CWH43: variants seen among roughly 807,000 people sequenced by gnomAD.
CWH43 encodes the protein PGAP2-interacting protein.
In CWH43, 91 loss-of-function variants were observed where a neutral mutation model predicts 85.7. That is an observed-to-expected ratio of 1.06 (90% confidence interval 0.90 to 1.26). The LOEUF (loss-of-function observed/expected upper bound fraction) is 1.26, where lower values mean the gene tolerates loss of function less well. CWH43 is among the 50% of genes most tolerant of loss of function. The pLI is 0.00. For missense variants in CWH43, 869 were observed against 839.2 expected, an observed-to-expected ratio of 1.04 and a Z score of -0.44; for synonymous variants, 323 against 293.6, an observed-to-expected ratio of 1.10 and a Z score of -1.02.
chr4:49,061,934 A>C lies in CWH43; in HGVS notation c.*44A>C, dbSNP rs1785174742. On this transcript the variant is annotated 3_prime_UTR_variant, in exon 16 of 16. Coordinates refer to ENST00000226432, the MANE Select transcript of CWH43 (RefSeq NM_025087.3). ...TTATTGGCTGGGAAAATCTAAGAAA[A>C]AAAGTATGTAAGATAAAAAGAAGAG... The C allele has an allele frequency of 7.9e-7, 1 of 1,266,432 alleles. No homozygotes were observed. The highest frequency in any genetic ancestry group is 1.5e-5 in the African/African-American group (1 of 65,904). 78.4% of individuals were successfully genotyped at this position (1,266,432 alleles called of 1,614,324 possible).
intron 1 of CWH43, 127 bp downstream of exon 1, chr4:48,986,599 A>G: frequency 6.7e-7 from 1 of 1,497,070 alleles, no homozygotes; most frequent in African/African-American, 1.4e-5. Context: ...CCCAGAGTGG[A>G]GATGCTTATC....
chr4:49,057,546 A>G (rs1309188332), intron 15 of CWH43, among the ~76,000 whole-genome samples: 2 of 152,088 alleles, frequency 1.3e-5, no homozygotes, highest in Non-Finnish European at 2.9e-5. Context: ...GGGTCCCAAG[A>G]TTTATTTTCC....
At position 49,004,687 on chromosome 4, in the gene CWH43, G is replaced by T. The variant is rs1441598104; in HGVS notation, c.1060+695G>T. On this transcript the variant is annotated intron_variant, in intron 7 of 15. Transcript: ENST00000226432. ...TTACAGGTGTGAGCCACCACACCTA[G>T]ACTCTATTATTTTTATTTACCATAT... Among the ~76,000 whole-genome samples, 3 of 152,150 alleles carry T rather than the reference G, an allele frequency of 2.0e-5. No individual in the cohort carries two copies. In the East Asian group the frequency reaches 5.8e-4, roughly 29 times the overall value.
At chr4:49,036,244 A>G (rs1173209230) in intron 12 of CWH43, among the ~76,000 whole-genome samples, 2 of 152,192 alleles carry the variant, frequency 1.3e-5, no homozygotes, top group African/African-American at 4.8e-5. Context: ...AAACCAGCAG[A>G]GAAGGAAGTC....
chr4:49,037,442 C>T (rs964738806), intron 12 of CWH43, among the ~76,000 whole-genome samples: 1 of 152,110 alleles, frequency 6.6e-6, no homozygotes, highest in Non-Finnish European at 1.5e-5. Context: ...TGGTAGTGTG[C>T]ACCTGTCATG....
intron 15 of CWH43, among the ~76,000 whole-genome samples, chr4:49,051,901 C>T (rs1271238375): frequency 6.6e-6 from 1 of 152,084 alleles, no homozygotes. Context: ...AAAGAGAAAT[C>T]TATTTGCAGC....
chr4:49,028,707 A>C lies in CWH43; in HGVS notation c.1345A>C (p.Arg449=). The C allele has an allele frequency of 6.2e-7, 1 of 1,612,890 alleles. No individual in the cohort carries two copies. The highest frequency in any genetic ancestry group is 2.2e-5 in the East Asian group (1 of 44,868). ...CAATGAAGGGTGGTCTAGTCTAGAA[A>C]GATCAGCTCACCTGCTCAATGAAAC... ...YDNEGWSSLE[R]SAHLLNETGA... is the part of the protein sequence containing the mutation. Residue 449 remains arginine, a synonymous_variant, in exon 10 of 16, where the codon AGA becomes CGA. Coordinates refer to ENST00000226432, the MANE Select transcript of CWH43 (RefSeq NM_025087.3).
chr4:49,020,289 G>A (rs116161012), intron 9 of CWH43, among the ~76,000 whole-genome samples: 2,000 of 151,670 alleles, frequency 0.013, 21 homozygotes, highest in Non-Finnish European at 0.019. Context: ...TTCCATTCCC[G>A]AGTCACTTCA....
intron 12 of CWH43, 21 bp from the exon 13 acceptor site, chr4:49,038,015 T>C (rs1397815309): frequency 6.3e-7 from 1 of 1,584,674 alleles, no homozygotes; most frequent in Admixed American, 1.9e-5. Context: ...CAATAAAGGG[T>C]CATATTTTTA....
chr4:49,029,395 G>A (rs552319049), intron 10 of CWH43, among the ~76,000 whole-genome samples: 4 of 152,322 alleles, frequency 2.6e-5, no homozygotes, highest in South Asian at 4.1e-4. Flanking sequence ...AATGCACTGC[G>A]GAAAGCCACA....
At position 49,003,863 on chromosome 4, in the gene CWH43, AAC is replaced by A; in HGVS notation, c.932_933del (p.Asn311ThrfsTer26). Reference protein sequence around the residue: ...TLGHLINSGTNPGKTMTIAMI... With the variant: ...TLGHLINSGTXPGKTMTIAMI... Reference sequence around the variant, plus strand: ...TGGACACCTTATTAACTCAGGGACAAACCCTGGGAAAACCATGACCATTGCCA... The same window carrying A: ...TGGACACCTTATTAACTCAGGGACAACCTGGGAAAACCATGACCATTGCCA... On this transcript the variant is annotated frameshift_variant, in exon 7 of 16. Transcript: ENST00000226432. LOFTEE classifies it high-confidence loss of function. 6.2e-7 allele frequency: 1 copy of A among 1,612,982 alleles called. No homozygotes were observed. The highest frequency in any genetic ancestry group is 8.5e-7 in the Non-Finnish European group (1 of 1,178,994).
At position 48,988,664 on chromosome 4, in the gene CWH43, T is replaced by C; in HGVS notation, c.231T>C (p.Thr77=). The C allele has an allele frequency of 6.3e-7, 1 of 1,587,972 alleles. No homozygotes were observed. The highest frequency in any genetic ancestry group is 1.4e-5 in the African/African-American group (1 of 73,702). The change falls in exon 2 of 16, where the codon ACT becomes ACC. Residue 77 remains threonine (T), a synonymous_variant. Transcript: ENST00000226432. ...TGCTAACCCTGCTGAGGATAATCACTATTGGTAAGATTTAAAAGAGTTTCT... is the reference window on the plus strand; with the variant it reads ...TGCTAACCCTGCTGAGGATAATCACCATTGGTAAGATTTAAAAGAGTTTCT... ...KWMLTLLRII[T]IGSIASFQAP...
At chr4:49,054,673 A>C (rs1163127526) in intron 15 of CWH43, among the ~76,000 whole-genome samples, 1 of 152,036 alleles carries the variant, frequency 6.6e-6, no homozygotes, top group East Asian at 1.9e-4. Context: ...TGTGGTCTTC[A>C]ATTTCTTTCA....
intron 6 of CWH43, among the ~76,000 whole-genome samples, chr4:48,999,214 T>G (rs1176460726): frequency 1.3e-5 from 2 of 152,216 alleles, no homozygotes; most frequent in Non-Finnish European, 2.9e-5. Flanking sequence ...CTAAGGATGA[T>G]GGCCTCCAGC....
At position 49,036,213 on chromosome 4, in the gene CWH43, C is replaced by T. The variant is rs112389057; in HGVS notation, c.1659-1823C>T. Among the ~76,000 whole-genome samples, 488 of 152,232 alleles carry T rather than the reference C, an allele frequency of 3.2e-3. 5 individuals carry two copies. Among genetic ancestry groups the T allele is most frequent in the African/African-American group, 0.011 (468 of 41,536 alleles). On this transcript the variant is annotated intron_variant, in intron 12 of 15. Transcript: ENST00000226432. ...ACGTTTAATCTCCCATTGATGCCTC[C>T]GATTGGCCAAACCTAACTGGAAACC... is the stretch of plus-strand genomic sequence containing the variant.
intron 5 of CWH43, among the ~76,000 whole-genome samples, chr4:48,995,971 A>G (rs1021249958): frequency 2.8e-4 from 39 of 140,608 alleles, no homozygotes; most frequent in African/African-American, 1.0e-3. Context: ...GTTCCCCCCC[A>G]CCAATACCTG....
intron 14 of CWH43, among the ~76,000 whole-genome samples, chr4:49,045,920 G>A (rs1325434338): frequency 6.6e-6 from 1 of 151,832 alleles, no homozygotes; most frequent in Non-Finnish European, 1.5e-5. Flanking sequence ...ATAGTACATT[G>A]TTGTAACCTA....
intron 7 of CWH43, among the ~76,000 whole-genome samples, chr4:49,006,941 A>G (rs540049512): frequency 3.3e-5 from 5 of 152,354 alleles, no homozygotes; most frequent in African/African-American, 1.2e-4. Flanking sequence ...CAACTAGGAA[A>G]TACTCAAGAA....
intron 14 of CWH43, among the ~76,000 whole-genome samples, chr4:49,048,141 A>G (rs1362790728): frequency 1.3e-5 from 2 of 152,112 alleles, no homozygotes; most frequent in African/African-American, 2.4e-5. Context: ...ATAGGCTGAA[A>G]TAGGTTTAAT....
Sources: gnomAD v4.1 joint callset for allele counts (sites outside exome capture counted in the v4.1 genomes callset) on GRCh38, gnomAD v4.1.1 for gene constraint, MANE v1.5 for transcripts, NCBI Gene and HGNC (gene_info 2026-07-23, HGNC 2026-07-21) for gene names.